Variants in DPP8 observed in about 807,000 individuals in gnomAD.
DPP8 encodes the protein DPP VIII.
Under a neutral mutation model 107.5 loss-of-function variants are expected in DPP8, and 31 were observed. That is an observed-to-expected ratio of 0.29 (90% CI 0.22 to 0.39). The LOEUF is 0.39. DPP8 is among the 10% of genes least tolerant of loss of function. The pLI is 1.00. For synonymous variants in DPP8, 381 were observed against 356.6 expected (o/e 1.07, Z -0.77); for missense variants, 842 against 1,076.1 (o/e 0.78, Z 3.04).
chr15:65,466,907 T>C (rs2065409023), intron 13 of DPP8, 94 bp from the exon 14 acceptor site: 10 of 1,418,190 alleles, frequency 7.1e-6, no homozygotes, highest in Middle Eastern at 1.9e-4. Context: ...AAGAGTATTA[T>C]AAGAGACTAT....
chr15:65,507,631 T>C (rs879035094), intron 2 of DPP8, among the ~76,000 whole-genome samples: 10 of 136,332 alleles, frequency 7.3e-5, no homozygotes, highest in African/African-American at 2.8e-4. Context: ...AAGACCAGCC[T>C]GGGTAACATA....
At chr15:65,456,416 A>G in intron 15 of DPP8, 45 bp from the exon 16 acceptor site, 1 of 1,573,358 alleles carries the variant, frequency 6.4e-7, no homozygotes, top group Non-Finnish European at 8.6e-7. Context: ...GAAGCATATA[A>G]AAACCCAAGA....
At chr15:65,467,295 A>G (rs1399291458) in intron 12 of DPP8, 72 bp from the exon 13 acceptor site, 1 of 1,501,686 alleles carries the variant, frequency 6.7e-7, no homozygotes, top group East Asian at 2.3e-5. Flanking sequence ...AATTTTATTT[A>G]CAATCACTTG....
chr15:65,508,595 G>A (rs1245526510), intron 2 of DPP8, among the ~76,000 whole-genome samples: 1 of 152,160 alleles, frequency 6.6e-6, no homozygotes, highest in Non-Finnish European at 1.5e-5. Flanking sequence ...GCTCACACCT[G>A]TAATCCCAGC....
chr15:65,479,113 A>T (rs1410420083), intron 10 of DPP8, 74 bp from the exon 11 acceptor site: 3 of 1,006,532 alleles, frequency 3.0e-6, no homozygotes, highest in Non-Finnish European at 4.2e-6. Context: ...TACAGGAAAA[A>T]TTTCTTGATA....
At position 65,512,346 on chromosome 15, in the gene DPP8, C is replaced by A. The variant is rs2070896150; in HGVS notation, c.208G>T (p.Val70Leu). 6.2e-7 allele frequency: 1 copy of A among 1,613,874 alleles called. No individual in the cohort carries two copies. The highest frequency in any genetic ancestry group is 1.3e-5 in the African/African-American group (1 of 74,918). ...MAKAPHDFMF[V>L]KRNDPDGPHS... ...GGTCCATCTGGATCATTCCTCTTCA[C>A]AAACATGAAATCATGTGGTGCCTTA... The change falls in exon 2 of 20, where the codon GTG becomes TTG. Residue 70 changes from valine (V) to leucine (L), a missense_variant. Physicochemically the swap from Val to Leu is conservative, Grantham distance 32. Around this residue, in one of 2 missense-constraint regions of DPP8, gnomAD observed 663 missense variants for 758.0 expected, o/e 0.87. Coordinates refer to ENST00000300141, the MANE Select transcript of DPP8 (RefSeq NM_130434.5).
rs1444330431 is a variant in DPP8, at chr15:65,500,753, A to G, written c.399T>C (p.Ser133=). Residue 133 remains serine (S), a synonymous_variant, in exon 4 of 20, where the codon TCT becomes TCC. Coordinates refer to ENST00000300141, the MANE Select transcript of DPP8 (RefSeq NM_130434.5). ...FQATLDYGMY[S]REEELLRERK... ...TTTCTCTTAATAGTTCTTCTTCTCG[A>G]GAATACATTCCATAGTCCAGTGTTG... The G allele has an allele frequency of 6.2e-7, 1 of 1,614,000 alleles. No homozygotes were observed. Among genetic ancestry groups the G allele is most frequent in the Non-Finnish European group, 8.5e-7 (1 of 1,179,956 alleles).
rs867212579 is a variant in DPP8, at chr15:65,444,942, G to T, written c.*1942C>A. On this transcript the variant is annotated 3_prime_UTR_variant, in exon 20 of 20. Transcript: ENST00000300141. The stretch of plus-strand genomic sequence containing the variant: ...CACAGTCAGATATATACTTAAGGGG[G>T]AAAATACTTTCTTGGGGAAGAAAGT... 1 of 152,090 alleles carries T rather than the reference G, an allele frequency of 6.6e-6. No homozygotes were observed. Among genetic ancestry groups the T allele is most frequent in the Non-Finnish European group, 1.5e-5 (1 of 68,004 alleles). 9.4% of individuals were successfully genotyped at this position (152,090 alleles called of 1,614,324 possible). A position where few individuals can be genotyped will look rare whatever the true frequency, so the allele number is the denominator to read the frequency against.
chr15:65,468,412 T>G (rs967402858), intron 12 of DPP8, among the ~76,000 whole-genome samples: 1 of 151,980 alleles, frequency 6.6e-6, no homozygotes, highest in African/African-American at 2.4e-5. Context: ...GAAGGATCAC[T>G]TGAGCCCAGA....
rs1243363577 is a variant in DPP8, at chr15:65,454,401, A to C, written c.2133T>G (p.Ile711Met). The C allele has an allele frequency of 1.3e-6, 2 of 1,595,758 alleles. No homozygotes were observed. The highest frequency in any genetic ancestry group is 2.7e-5 in the African/African-American group (2 of 73,686). ...AFKYKMGQIE[I>M]DDQVEGLQYL... is the part of the protein sequence containing the mutation. ...ATTGGAGTCCTTCCACCTGATCGTCAATTTCTATTTGACCCTGTCAAAAAA... is the reference window on the plus strand; with the variant it reads ...ATTGGAGTCCTTCCACCTGATCGTCCATTTCTATTTGACCCTGTCAAAAAA... Residue 711 changes from isoleucine to methionine, a missense_variant, in exon 17 of 20, where the codon ATT becomes ATG. By Grantham distance (10) the Ile-to-Met change is conservative. This residue lies in a region of DPP8 where 179 missense variants were observed against 318.0 expected (regional missense o/e 0.56). Transcript: ENST00000300141.
intron 16 of DPP8, chr15:65,455,898 T>G (rs1447315480): frequency 2.5e-6 from 3 of 1,215,632 alleles, no homozygotes; most frequent in Middle Eastern, 2.1e-4. Flanking sequence ...GATTCCCTCT[T>G]CACAGAGGAC....
At chr15:65,509,824 G>A (rs1226929064) in intron 2 of DPP8, among the ~76,000 whole-genome samples, 2 of 151,886 alleles carry the variant, frequency 1.3e-5, no homozygotes. Flanking sequence ...AGTTTGAGAT[G>A]AGCCTGAGCA....
At chr15:65,452,549 T>A (rs1448231560) in intron 17 of DPP8, among the ~76,000 whole-genome samples, 1 of 152,160 alleles carries the variant, frequency 6.6e-6, no homozygotes, top group Non-Finnish European at 1.5e-5. Flanking sequence ...TATATTTAAA[T>A]ACTCTATTTT....
At chr15:65,450,865 T>C (rs1434592464) in intron 19 of DPP8, 134 bp downstream of exon 19, 5 of 597,516 alleles carry the variant, frequency 8.4e-6, no homozygotes, top group Non-Finnish European at 1.5e-5. Flanking sequence ...CTACTAAATA[T>C]GCCTCTTACT....
At chr15:65,498,423 G>GGAA (rs1161815200) in intron 4 of DPP8, among the ~76,000 whole-genome samples, 4 of 145,760 alleles carry the variant, frequency 2.7e-5, no homozygotes, top group Admixed American at 6.8e-5. Context: ...CTCAGTATCA[G>GGAA]GAAAAAAAAA....
At chr15:65,459,919 C>T (rs1268472273) in intron 15 of DPP8, among the ~76,000 whole-genome samples, 7 of 151,708 alleles carry the variant, frequency 4.6e-5, no homozygotes, top group African/African-American at 7.3e-5. Context: ...CGTGCCACTG[C>T]GCCCCAGCCT....
At chr15:65,510,014 G>A (rs1243746728) in intron 2 of DPP8, among the ~76,000 whole-genome samples, 1 of 151,518 alleles carries the variant, frequency 6.6e-6, no homozygotes, top group African/African-American at 2.4e-5. Context: ...GAGTGAGACC[G>A]CCATCTCAAA....
chr15:65,474,339 A>C (rs2066190146), intron 11 of DPP8, 51 bp from the exon 12 acceptor site: 1 of 1,325,014 alleles, frequency 7.5e-7, no homozygotes, highest in Admixed American at 1.7e-5. Flanking sequence ...ACTATAAGCA[A>C]ATGAAACAAT....
Position 65,515,675 on chromosome 15 carries a change from C to A in DPP8, c.-12+1811G>T. ...GCCTACCTGATTTTATTTTCATCTGCTCAGATCTCTTCCACATTCAAAGAG... is the reference window on the plus strand; with the variant it reads ...GCCTACCTGATTTTATTTTCATCTGATCAGATCTCTTCCACATTCAAAGAG... On this transcript the variant is annotated intron_variant, in intron 1 of 19. Transcript: ENST00000300141. The A allele has an allele frequency of 6.2e-7, 1 of 1,613,996 alleles. No individual in the cohort carries two copies. Among genetic ancestry groups the A allele is most frequent in the Non-Finnish European group, 8.5e-7 (1 of 1,179,966 alleles).
Sources: gnomAD v4.1 joint callset for allele counts (sites outside exome capture counted in the v4.1 genomes callset) on GRCh38, gnomAD v4.1.1 for gene constraint, gnomAD v4.1.1 regional missense constraint, MANE v1.5 for transcripts, NCBI Gene and HGNC (gene_info 2026-07-23, HGNC 2026-07-21) for gene names.